The following RBPMS2 variants were observed in gnomAD, a reference collection of about 807,000 sequenced individuals.
The protein encoded by RBPMS2 is RNA-binding protein with multiple splicing 2.
A neutral mutation model predicts 25.7 loss-of-function variants in RBPMS2; 14 were observed. The ratio of observed to expected loss-of-function variants is 0.55; its 90% confidence interval spans 0.36 to 0.85. The LOEUF is 0.85. Ranked by LOEUF, RBPMS2 falls within the 40% of genes least tolerant of loss-of-function variation. RBPMS2 has a pLI of 0.01. For missense variants in RBPMS2, 252 were observed against 283.4 expected (o/e 0.89, Z 0.80); for synonymous variants, 127 against 115.6 (o/e 1.10, Z -0.63).
At chr15:64,763,487 G>C (rs2083811904) in intron 1 of RBPMS2, among the ~76,000 whole-genome samples, 2 of 152,174 alleles carry the variant, frequency 1.3e-5, no homozygotes, top group South Asian at 4.1e-4. Flanking sequence ...GTTCAGGTGG[G>C]ATCTGGTGTT....
chr15:64,765,889 A>G (rs2083842055), intron 1 of RBPMS2, among the ~76,000 whole-genome samples: 1 of 151,962 alleles, frequency 6.6e-6, no homozygotes. Context: ...GCTACTCAGG[A>G]GGCTGAGGCA....
At position 64,740,598 on chromosome 15, in the gene RBPMS2, G is replaced by C. The variant is rs1440530335; in HGVS notation, c.*410C>G. ...ACCTGTCGCTATGGTGACAGTGTGA[G>C]AACAAACTGTACACTCATATATACA... On this transcript the variant is annotated 3_prime_UTR_variant, in exon 8 of 8. Transcript: ENST00000300069. 1 of 152,982 alleles carries C rather than the reference G, an allele frequency of 6.5e-6. No homozygotes were observed. Among genetic ancestry groups the C allele is most frequent in the African/African-American group, 2.4e-5 (1 of 41,422 alleles). 9.5% of individuals were successfully genotyped at this position (152,982 alleles called of 1,614,324 possible).
rs939638080 is a variant in RBPMS2, at chr15:64,775,407, G to A, written c.-88C>T. ...AGTGGGAAGGGGCGCGGGGAGCGGT[G>A]CGCTCGCGGGTGCGGAGCGGGTGGC... On this transcript the variant is annotated 5_prime_UTR_variant, in exon 1 of 8. Coordinates refer to ENST00000300069, the MANE Select transcript of RBPMS2 (RefSeq NM_194272.3). 2 of 664,530 alleles carry A rather than the reference G, an allele frequency of 3.0e-6. No homozygotes were observed. The highest frequency in any genetic ancestry group is 1.9e-5 in the African/African-American group (1 of 51,714). 41.2% of individuals were successfully genotyped at this position (664,530 alleles called of 1,614,324 possible).
chr15:64,755,331 G>C (rs2083723376), intron 1 of RBPMS2, among the ~76,000 whole-genome samples: 2 of 152,172 alleles, frequency 1.3e-5, no homozygotes, highest in South Asian at 2.1e-4. Context: ...GGATGAGCTG[G>C]TGGGCCCGTC....
In RBPMS2 at chr15:64,740,943, G is replaced by C; in HGVS notation, c.*65C>G. On this transcript the variant is annotated 3_prime_UTR_variant, in exon 8 of 8. Transcript: ENST00000300069. ...GGCCGCCCGGGGGCAGTGGGAACTC[G>C]GGGCGCCTGTCCCGGCACCACCACA... 2 of 464,474 alleles carry C rather than the reference G, an allele frequency of 4.3e-6. No individual in the cohort carries two copies. The highest frequency in any genetic ancestry group is 4.8e-5 in the South Asian group (2 of 41,764). 28.8% of individuals were successfully genotyped at this position (464,474 alleles called of 1,614,324 possible).
At position 64,760,933 on chromosome 15, in the gene RBPMS2, A is replaced by AG. The variant is rs1438052930; in HGVS notation, c.88-9296dup. ...ACCCACCAGGAACAGTCACCCCTAG[A>AG]GGCCAACTCTGGCCTTCTGTAAATT... On this transcript the variant is annotated intron_variant, in intron 1 of 7. Transcript: ENST00000300069. Among the ~76,000 whole-genome samples, 3 of 151,790 alleles carry AG rather than the reference A, an allele frequency of 2.0e-5. No individual in the cohort carries two copies. In the South Asian group the frequency reaches 6.2e-4, roughly 32 times the overall value.
At chr15:64,749,201 T>TAA in intron 4 of RBPMS2, 51 bp from the exon 5 acceptor site, 1 of 1,602,462 alleles carries the variant, frequency 6.2e-7, no homozygotes, top group Non-Finnish European at 8.5e-7. Flanking sequence ...GGACCCAGAG[T>TAA]GTTAATGGCA....
chr15:64,764,598 G>A (rs1188085105), intron 1 of RBPMS2, among the ~76,000 whole-genome samples: 1 of 152,182 alleles, frequency 6.6e-6, no homozygotes, highest in African/African-American at 2.4e-5. Flanking sequence ...GCTGTGCCCG[G>A]ATGTATATGG....
At chr15:64,753,929 T>C (rs941740299) in intron 1 of RBPMS2, among the ~76,000 whole-genome samples, 6 of 152,104 alleles carry the variant, frequency 3.9e-5, no homozygotes, top group Non-Finnish European at 8.8e-5. Context: ...TGTAAGGGCC[T>C]TGAGGTGTGC....
chr15:64,764,995 G>C (rs2083830813), intron 1 of RBPMS2, among the ~76,000 whole-genome samples: 2 of 151,528 alleles, frequency 1.3e-5, no homozygotes, highest in African/African-American at 4.8e-5. Flanking sequence ...GGGAGGCAGA[G>C]GCGGGCGGAT....
Position 64,745,536 on chromosome 15 carries a change from A to T in RBPMS2, c.567+2883T>A, listed in dbSNP as rs142145563. On this transcript the variant is annotated intron_variant, in intron 6 of 7. Coordinates refer to ENST00000300069, the MANE Select transcript of RBPMS2 (RefSeq NM_194272.3). ...TTTAAGGGGGAGAAAAAAGCCATGG[A>T]AGACCCGCATATCCTCAGGTTGGAA... is the stretch of plus-strand genomic sequence containing the variant. 6.6e-4 allele frequency among the ~76,000 whole-genome samples: 100 copies of T among 152,256 alleles called. 1 individual carries two copies. In the East Asian group the frequency reaches 0.019, roughly 29 times the overall value.
chr15:64,753,815 C>G (rs1353116237), intron 1 of RBPMS2, among the ~76,000 whole-genome samples: 1 of 152,138 alleles, frequency 6.6e-6, no homozygotes, highest in Admixed American at 6.6e-5. Flanking sequence ...CCACTCGAAT[C>G]CTGCTTTGTT....
At chr15:64,753,101 A>G (rs1025667806) in intron 1 of RBPMS2, among the ~76,000 whole-genome samples, 1 of 152,178 alleles carries the variant, frequency 6.6e-6, no homozygotes, top group African/African-American at 2.4e-5. Flanking sequence ...AGATCCATTC[A>G]AAACATTTTT....
chr15:64,747,897 C>A (rs555850669), intron 6 of RBPMS2, among the ~76,000 whole-genome samples: 1 of 152,202 alleles, frequency 6.6e-6, no homozygotes, highest in East Asian at 1.9e-4. Flanking sequence ...ACACTCAGGG[C>A]GCTCTAGGTT....
chr15:64,752,122 G>A (rs1206907016), intron 1 of RBPMS2, among the ~76,000 whole-genome samples: 1 of 151,894 alleles, frequency 6.6e-6, no homozygotes, highest in Non-Finnish European at 1.5e-5. Flanking sequence ...ACACCACCAC[G>A]CCATGCTAAT....
At chr15:64,751,858 TGC>T in intron 1 of RBPMS2, among the ~76,000 whole-genome samples, 3 of 152,144 alleles carry the variant, frequency 2.0e-5, no homozygotes, top group Non-Finnish European at 4.4e-5. Flanking sequence ...GGCATCGTGC[TGC>T]GTCTGCCGGA....
chr15:64,744,269 A>C (rs1428343312), intron 6 of RBPMS2, among the ~76,000 whole-genome samples: 1 of 151,914 alleles, frequency 6.6e-6, no homozygotes, highest in African/African-American at 2.4e-5. Flanking sequence ...TAAAGAAAAC[A>C]AAACAATGGC....
At chr15:64,751,502 T>C in intron 2 of RBPMS2, 59 bp downstream of exon 2, 1 of 1,460,672 alleles carries the variant, frequency 6.8e-7, no homozygotes, top group Non-Finnish European at 9.6e-7. Flanking sequence ...CGAGATTCAC[T>C]CCCGCTGCTT....
At chr15:64,745,529 G>C (rs1287557143) in intron 6 of RBPMS2, among the ~76,000 whole-genome samples, 5 of 152,186 alleles carry the variant, frequency 3.3e-5, no homozygotes, top group African/African-American at 9.7e-5. Context: ...GGAGAAAAAA[G>C]CCATGGAAGA....
Sources: allele counts gnomAD v4.1 joint callset (sites outside exome capture counted in the v4.1 genomes callset), GRCh38; gene constraint gnomAD v4.1.1; transcripts MANE v1.5; gene names NCBI Gene and HGNC (gene_info 2026-07-23, HGNC 2026-07-21).